The following RFTN1 variants were observed in gnomAD, a reference collection of about 807,000 sequenced individuals.
RFTN1 encodes the protein raftlin.
In RFTN1, 26 loss-of-function variants were observed where a neutral mutation model predicts 46.5. The observed-to-expected ratio is 0.56, with a 90% CI of 0.41 to 0.78. RFTN1 has a LOEUF of 0.78. Among genes scored for constraint, RFTN1 ranks in the 30% least tolerant of loss-of-function variants. The probability of loss-of-function intolerance (pLI) is 0.00; values close to 1 mark genes in which losing one functional copy is unlikely to be tolerated. For synonymous variants in RFTN1, 261 were observed against 284.2 expected, an observed-to-expected ratio of 0.92 and a Z score of 0.82; for missense variants, 693 against 718.7, an observed-to-expected ratio of 0.96 and a Z score of 0.41.
In RFTN1 at chr3:16,369,746, C is replaced by T. The variant is rs1260129577; in HGVS notation, c.1030+330G>A. On this transcript the variant is annotated intron_variant, in intron 6 of 9. Transcript: ENST00000334133. Reference sequence around the variant, plus strand: ...AATTTGCACTTTGGAATGCCACAATCCCAGGGGGTAATTAACAAATCCAGG... The same window carrying T: ...AATTTGCACTTTGGAATGCCACAATTCCAGGGGGTAATTAACAAATCCAGG... 2.0e-5 allele frequency among the ~76,000 whole-genome samples: 3 copies of T among 152,148 alleles called. No individual in the cohort carries two copies. In the East Asian group the frequency reaches 5.8e-4, roughly 29 times the overall value.
At chr3:16,360,144 G>T (rs1279892184) in intron 6 of RFTN1, among the ~76,000 whole-genome samples, 1 of 151,636 alleles carries the variant, frequency 6.6e-6, no homozygotes, top group Non-Finnish European at 1.5e-5. Flanking sequence ...TCTTTCCATG[G>T]CCAGTAAACA....
chr3:16,493,292 C>T (rs1179521472), intron 2 of RFTN1, among the ~76,000 whole-genome samples: 2 of 151,266 alleles, frequency 1.3e-5, no homozygotes, highest in East Asian at 1.9e-4. Flanking sequence ...AGTGCAGTGG[C>T]GTGATCTCGG....
intron 4 of RFTN1, among the ~76,000 whole-genome samples, chr3:16,396,616 G>T (rs192844195): frequency 6.6e-6 from 1 of 152,274 alleles, no homozygotes; most frequent in Admixed American, 6.5e-5. Flanking sequence ...CTCCATTAGA[G>T]GTTTCATTGA....
intron 2 of RFTN1, among the ~76,000 whole-genome samples, chr3:16,485,529 A>C (rs1035532194): frequency 6.6e-6 from 1 of 152,260 alleles, no homozygotes; most frequent in Non-Finnish European, 1.5e-5. Flanking sequence ...AGGCTGAGTT[A>C]AAGAAGCCAG....
At position 16,374,914 on chromosome 3, in the gene RFTN1, G is replaced by A. The variant is rs1334630334; in HGVS notation, c.826+2804C>T. ...ACGGCTGCACCGAGCCCGCAGAGAT[G>A]GGGAGGGACGACCTGCCCCTGCTTC... On this transcript the variant is annotated intron_variant, in intron 5 of 9. Transcript: ENST00000334133. The surrounding 1 kb of genome is among the most constrained non-coding windows in gnomAD (Gnocchi z 5.4). 6.6e-6 allele frequency among the ~76,000 whole-genome samples: 1 copy of A among 152,184 alleles called. No homozygotes were observed. The highest frequency in any genetic ancestry group is 1.9e-4 in the East Asian group (1 of 5,190).
chr3:16,498,318 G>A lies in RFTN1; in HGVS notation c.-8-4441C>T, dbSNP rs1237363552. 6.6e-6 allele frequency among the ~76,000 whole-genome samples: 1 copy of A among 152,178 alleles called. No homozygotes were observed. The highest frequency in any genetic ancestry group is 2.4e-5 in the African/African-American group (1 of 41,442). The stretch of plus-strand genomic sequence containing the variant: ...AGCAGAATGCAGTCAATCACAGGCA[G>A]TGAATTAATGTAACCAAGCCAGCTG... On this transcript the variant is annotated intron_variant, in intron 1 of 9. Coordinates refer to ENST00000334133, the MANE Select transcript of RFTN1 (RefSeq NM_015150.2). The surrounding 1 kb of genome is among the most constrained non-coding windows in gnomAD (Gnocchi z 5.2).
At chr3:16,434,121 G>A (rs1398549019) in intron 2 of RFTN1, 84 bp from the exon 3 acceptor site, 6 of 1,208,104 alleles carry the variant, frequency 5.0e-6, no homozygotes, top group South Asian at 3.1e-5. Flanking sequence ...CCTTGCCCTC[G>A]GGGAGGATCC....
intron 4 of RFTN1, 100 bp downstream of exon 4, chr3:16,409,275 C>G: frequency 2.5e-6 from 2 of 791,328 alleles, no homozygotes; most frequent in Non-Finnish European, 4.4e-6. Flanking sequence ...CTTGCATGGC[C>G]TCTTGAGTGT....
At position 16,507,622 on chromosome 3, in the gene RFTN1, A is replaced by T. The variant is rs1646171572; in HGVS notation, c.-9+5820T>A. On this transcript the variant is annotated intron_variant, in intron 1 of 9. Transcript: ENST00000334133. This position sits in a 1 kb window ranked among gnomAD's most constrained non-coding sequence, Gnocchi z 7.1. The stretch of plus-strand genomic sequence containing the variant: ...AAAACACACACACACACACACACAC[A>T]TACACACACACATGCACACATCCAC... 6.6e-6 allele frequency among the ~76,000 whole-genome samples: 1 copy of T among 150,612 alleles called. No individual in the cohort carries two copies. The highest frequency in any genetic ancestry group is 6.6e-5 in the Admixed American group (1 of 15,144).
chr3:16,413,675 A>G lies in RFTN1; in HGVS notation c.333-4192T>C, dbSNP rs145567158. On this transcript the variant is annotated intron_variant, in intron 3 of 9. Transcript: ENST00000334133. This position sits in a 1 kb window ranked among gnomAD's most constrained non-coding sequence, Gnocchi z 4.7. Reference sequence around the variant, plus strand: ...TTAACTAACAGCAAAAGCCCCCCCAACCTACTTTATCTGGAAATTAACACT... The same window carrying G: ...TTAACTAACAGCAAAAGCCCCCCCAGCCTACTTTATCTGGAAATTAACACT... Among the ~76,000 whole-genome samples the G allele has an allele frequency of 2.1e-3, 320 of 152,270 alleles. 5 individuals are homozygous for G. The highest frequency in any genetic ancestry group is 4.5e-3 in the African/African-American group (187 of 41,554).
chr3:16,399,723 T>G (rs1229106957), intron 4 of RFTN1, among the ~76,000 whole-genome samples: 1 of 152,188 alleles, frequency 6.6e-6, no homozygotes, highest in African/African-American at 2.4e-5. Context: ...CCCAGATCTC[T>G]GCACAGAGCT....
At chr3:16,366,677 T>C (rs2073197215) in intron 6 of RFTN1, among the ~76,000 whole-genome samples, 1 of 152,252 alleles carries the variant, frequency 6.6e-6, no homozygotes, top group East Asian at 1.9e-4. Context: ...GACAATGACA[T>C]AATGTCTCTG....
rs1030589868 is a variant in RFTN1, at chr3:16,466,410, T to C, written c.145+27315A>G. Among the ~76,000 whole-genome samples the C allele has an allele frequency of 1.3e-5, 2 of 152,284 alleles. No homozygotes were observed. Among genetic ancestry groups the C allele is most frequent in the Admixed American group, 1.3e-4 (2 of 15,294 alleles). Reference sequence around the variant, plus strand: ...TAAAAATATTGCAAAAATTACCAAATTACGAAGTATGAAGTGACCTCCAAC... The same window carrying C: ...TAAAAATATTGCAAAAATTACCAAACTACGAAGTATGAAGTGACCTCCAAC... On this transcript the variant is annotated intron_variant, in intron 2 of 9. Transcript: ENST00000334133. The surrounding 1 kb of genome is among the most constrained non-coding windows in gnomAD (Gnocchi z 5.6).
intron 2 of RFTN1, among the ~76,000 whole-genome samples, chr3:16,492,377 G>A (rs1020030284): frequency 6.6e-6 from 1 of 152,162 alleles, no homozygotes; most frequent in Non-Finnish European, 1.5e-5. Flanking sequence ...ATTGTGCTAC[G>A]AGCTTCACAC....
In RFTN1 at chr3:16,329,119, A is replaced by T. The variant is rs1317815730; in HGVS notation, c.1147-2243T>A. Reference sequence around the variant, plus strand: ...AATGGGTTAATGCCAACTCAGGCAAAGGGCTTGAGGCTACAAGTTCAGTCT... The same window carrying T: ...AATGGGTTAATGCCAACTCAGGCAATGGGCTTGAGGCTACAAGTTCAGTCT... On this transcript the variant is annotated intron_variant, in intron 7 of 9. Coordinates refer to ENST00000334133, the MANE Select transcript of RFTN1 (RefSeq NM_015150.2). This position sits in a 1 kb window ranked among gnomAD's most constrained non-coding sequence, Gnocchi z 4.5. 6.6e-6 allele frequency among the ~76,000 whole-genome samples: 1 copy of T among 152,210 alleles called. No homozygotes were observed. The highest frequency in any genetic ancestry group is 1.5e-5 in the Non-Finnish European group (1 of 68,048).
In RFTN1 at chr3:16,358,058, A is replaced by T; in HGVS notation, c.1031-11T>A. On this transcript the variant is annotated splice_polypyrimidine_tract_variant and intron_variant, in intron 6 of 9. Transcript: ENST00000334133. ...AGCCATGTAAGGAATCTGTGGAAAAAGAAAAAGGCGGGGGTGGGGGGGGTC... is the reference window on the plus strand; with the variant it reads ...AGCCATGTAAGGAATCTGTGGAAAATGAAAAAGGCGGGGGTGGGGGGGGTC... 2.5e-6 allele frequency: 3 copies of T among 1,215,940 alleles called. No individual in the cohort carries two copies. The highest frequency in any genetic ancestry group is 3.6e-6 in the Non-Finnish European group (3 of 840,776). The allele number at this position is 1,215,940 out of a possible 1,614,324, so 75.3% of individuals were successfully genotyped here.
chr3:16,465,743 T>A lies in RFTN1; in HGVS notation c.145+27982A>T, dbSNP rs2076080148. ...CTAATCTTTTTCTTTTCACTATACCTTGTGCAGAAGGCTGAGCAGGGGATG... is the reference window on the plus strand; with the variant it reads ...CTAATCTTTTTCTTTTCACTATACCATGTGCAGAAGGCTGAGCAGGGGATG... On this transcript the variant is annotated intron_variant, in intron 2 of 9. Coordinates refer to ENST00000334133, the MANE Select transcript of RFTN1 (RefSeq NM_015150.2). This position sits in a 1 kb window ranked among gnomAD's most constrained non-coding sequence, Gnocchi z 5.1. 6.6e-6 allele frequency among the ~76,000 whole-genome samples: 1 copy of A among 152,150 alleles called. No individual in the cohort carries two copies. Among genetic ancestry groups the A allele is most frequent in the Non-Finnish European group, 1.5e-5 (1 of 68,026 alleles).
At chr3:16,364,347 C>T (rs2073019114) in intron 6 of RFTN1, among the ~76,000 whole-genome samples, 7 of 152,176 alleles carry the variant, frequency 4.6e-5, no homozygotes, top group Admixed American at 4.6e-4. Context: ...ATGATTAGTC[C>T]ATGTTCATGT....
In RFTN1 at chr3:16,410,341, A is replaced by G. The variant is rs376934051; in HGVS notation, c.333-858T>C. 1.6e-4 allele frequency among the ~76,000 whole-genome samples: 24 copies of G among 152,032 alleles called. No individual in the cohort carries two copies. Among genetic ancestry groups the G allele is most frequent in the African/African-American group, 5.1e-4 (21 of 41,444 alleles). On this transcript the variant is annotated intron_variant, in intron 3 of 9. Coordinates refer to ENST00000334133, the MANE Select transcript of RFTN1 (RefSeq NM_015150.2). This position sits in a 1 kb window ranked among gnomAD's most constrained non-coding sequence, Gnocchi z 4.6. ...AAAAGAACAAGCAAGACATACACCA[A>G]ACCAATAATAGCAGGTACCCCTGGG... is the stretch of plus-strand genomic sequence containing the variant.
Sources: allele counts gnomAD v4.1 joint callset (sites outside exome capture counted in the v4.1 genomes callset), GRCh38; gene constraint gnomAD v4.1.1; non-coding constraint Gnocchi (gnomAD v3.1); transcripts MANE v1.5; gene names NCBI Gene and HGNC (gene_info 2026-07-23, HGNC 2026-07-21).